Variants in PTPRD observed in about 807,000 individuals in gnomAD.
PTPRD encodes the protein receptor-type tyrosine-protein phosphatase delta.
In PTPRD, 34 loss-of-function variants were observed where a neutral mutation model predicts 214.5. The ratio of observed to expected loss-of-function variants is 0.16; its 90% CI spans 0.12 to 0.21. PTPRD has a LOEUF of 0.21. Among genes scored for constraint, PTPRD ranks in the 10% least tolerant of loss-of-function variants. PTPRD has a pLI of 1.00. For missense variants in PTPRD, 2,545 were observed against 2,398.7 expected (o/e 1.06, Z -1.27); for synonymous variants, 1,128 against 845.7 (o/e 1.33, Z -5.79).
At chr9:9,310,775 G>A (rs750797304) in intron 9 of PTPRD, among the ~76,000 whole-genome samples, 4 of 151,750 alleles carry the variant, frequency 2.6e-5, no homozygotes, top group African/African-American at 4.8e-5. Context: ...AAAATTAGCC[G>A]GGCATGGTGG....
chr9:9,198,429 T>G (rs530607259), intron 9 of PTPRD, among the ~76,000 whole-genome samples: 1 of 152,252 alleles, frequency 6.6e-6, no homozygotes, highest in South Asian at 2.1e-4. Context: ...CTTTTATTCA[T>G]TTACTTAACA....
At chr9:8,511,221 A>G (rs1029816465) in intron 21 of PTPRD, among the ~76,000 whole-genome samples, 2 of 152,180 alleles carry the variant, frequency 1.3e-5, no homozygotes, top group East Asian at 1.9e-4. Flanking sequence ...GGTGTGTGCC[A>G]TAACACCCGG....
chr9:8,823,905 A>G (rs1600975160), intron 11 of PTPRD, among the ~76,000 whole-genome samples: 1 of 152,144 alleles, frequency 6.6e-6, no homozygotes, highest in Admixed American at 6.5e-5. Flanking sequence ...CTGGTTGCCC[A>G]TTTTTATGGT....
intron 14 of PTPRD, among the ~76,000 whole-genome samples, chr9:8,557,452 A>ACACC (rs60967339): frequency 1.4e-5 from 2 of 144,792 alleles, no homozygotes; most frequent in African/African-American, 5.5e-5. Context: ...ATATATATAT[A>ACACC]TATATTTGGG....
chr9:9,918,635 C>T (rs10816231), intron 5 of PTPRD, among the ~76,000 whole-genome samples: 20,251 of 152,076 alleles, frequency 0.13, 2,398 homozygotes, highest in African/African-American at 0.32. Flanking sequence ...AGGCGTGACG[C>T]TACCAGACTT....
At chr9:8,504,995 T>G in intron 22 of PTPRD, among the ~76,000 whole-genome samples, 1 of 152,166 alleles carries the variant, frequency 6.6e-6, no homozygotes, top group Non-Finnish European at 1.5e-5. Context: ...GTTGAATAAT[T>G]TATCTGAAAC....
At chr9:9,927,736 T>C (rs2084847251) in intron 5 of PTPRD, among the ~76,000 whole-genome samples, 1 of 152,182 alleles carries the variant, frequency 6.6e-6, no homozygotes, top group South Asian at 2.1e-4. Flanking sequence ...GCAATGTTCA[T>C]AGATTCTTAA....
chr9:10,298,801 C>T (rs1038056631), intron 3 of PTPRD, among the ~76,000 whole-genome samples: 18 of 152,000 alleles, frequency 1.2e-4, no homozygotes, highest in Middle Eastern at 3.4e-3. Flanking sequence ...CTACTAGTTC[C>T]ATGACATTTA....
intron 3 of PTPRD, among the ~76,000 whole-genome samples, chr9:10,133,684 T>C (rs1481474961): frequency 1.3e-5 from 2 of 152,114 alleles, no homozygotes; most frequent in African/African-American, 4.8e-5. Flanking sequence ...AAGTAATATG[T>C]TCACCAATAG....
intron 7 of PTPRD, among the ~76,000 whole-genome samples, chr9:9,692,251 G>A (rs12551138): frequency 0.63 from 95,027 of 151,578 alleles, 30,120 homozygotes; most frequent in South Asian, 0.66. Context: ...TAGTATCATA[G>A]TTTGAGGTCT....
rs142152650 is a variant in PTPRD, at chr9:9,212,407, C to G, written c.-202-29044G>C. Among the ~76,000 whole-genome samples, 152 of 152,270 alleles carry G rather than the reference C, an allele frequency of 1.0e-3. 1 individual carries two copies. In the Middle Eastern group the frequency reaches 0.024, roughly 24 times the overall value. On this transcript the variant is annotated intron_variant, in intron 9 of 45. Transcript: ENST00000381196. ...TAGCTTTTAGTGTCTTCCAGCTACT[C>G]TCTACACATTCCTATTGTTGCCTCC... is the stretch of plus-strand genomic sequence containing the variant.
chr9:10,590,386 C>T (rs1248693676), intron 2 of PTPRD, among the ~76,000 whole-genome samples: 1 of 151,970 alleles, frequency 6.6e-6, no homozygotes, highest in Non-Finnish European at 1.5e-5. Context: ...TTTTCAAACA[C>T]ATATACCCAG....
At chr9:9,102,079 T>C (rs1373048147) in intron 10 of PTPRD, among the ~76,000 whole-genome samples, 6 of 152,204 alleles carry the variant, frequency 3.9e-5, no homozygotes, top group Non-Finnish European at 8.8e-5. Flanking sequence ...TTGGTAAGCA[T>C]ACAGACTCTT....
At chr9:10,146,168 T>C (rs1403410657) in intron 3 of PTPRD, among the ~76,000 whole-genome samples, 1 of 150,734 alleles carries the variant, frequency 6.6e-6, no homozygotes. Flanking sequence ...TATATATATA[T>C]GTATATGCCT....
At chr9:9,267,044 T>C (rs1271334094) in intron 9 of PTPRD, among the ~76,000 whole-genome samples, 2 of 151,240 alleles carry the variant, frequency 1.3e-5, no homozygotes, top group Middle Eastern at 3.2e-3. Flanking sequence ...ATCAACAAAC[T>C]TTTAGCTAGA....
At chr9:9,042,743 T>C (rs2099644567) in intron 10 of PTPRD, among the ~76,000 whole-genome samples, 2 of 151,612 alleles carry the variant, frequency 1.3e-5, no homozygotes, top group Non-Finnish European at 2.9e-5. Context: ...TCTAAAGAAG[T>C]TGAAAATGCC....
At chr9:8,574,061 T>A (rs2154240507) in intron 14 of PTPRD, among the ~76,000 whole-genome samples, 1 of 152,070 alleles carries the variant, frequency 6.6e-6, no homozygotes, top group East Asian at 1.9e-4. Flanking sequence ...ATTTATATCA[T>A]ATTCTATTAT....
intron 10 of PTPRD, among the ~76,000 whole-genome samples, chr9:9,031,852 G>C (rs1035344074): frequency 4.2e-4 from 64 of 151,978 alleles, no homozygotes; most frequent in African/African-American, 1.5e-3. Context: ...GCTGGCATTT[G>C]AGCAAGGGCA....
chr9:9,009,592 T>C (rs1230810767), intron 11 of PTPRD, among the ~76,000 whole-genome samples: 1 of 151,822 alleles, frequency 6.6e-6, no homozygotes, highest in Non-Finnish European at 1.5e-5. Flanking sequence ...ATTAGAACTG[T>C]AAAAATTTTT....
Sources: allele counts gnomAD v4.1 joint callset (sites outside exome capture counted in the v4.1 genomes callset), GRCh38; gene constraint gnomAD v4.1.1; transcripts MANE v1.5; gene names NCBI Gene and HGNC (gene_info 2026-07-23, HGNC 2026-07-21).